The following CAMK2A variants were observed in gnomAD, a reference collection of about 807,000 sequenced individuals.
CAMK2A encodes the protein calcium/calmodulin-dependent protein kinase type II subunit alpha.
Under a neutral mutation model 79.2 loss-of-function variants are expected in CAMK2A, and 7 were observed. The ratio of observed to expected loss-of-function variants is 0.09; its 90% CI spans 0.05 to 0.17. The LOEUF (loss-of-function observed/expected upper bound fraction) is 0.17, where lower values mean the gene tolerates loss of function less well. Ranked by LOEUF, CAMK2A falls within the 10% of genes least tolerant of loss-of-function variation. The pLI is 1.00. For missense variants in CAMK2A, 214 were observed against 646.4 expected, an observed-to-expected ratio of 0.33 and a Z score of 7.25; for synonymous variants, 242 against 251.7, an observed-to-expected ratio of 0.96 and a Z score of 0.36.
intron 1 of CAMK2A, among the ~76,000 whole-genome samples, chr5:150,279,496 G>A (rs983412602): frequency 1.3e-5 from 2 of 152,204 alleles, no homozygotes; most frequent in Non-Finnish European, 2.9e-5. Context: ...AATGAGTTTG[G>A]CAGAGTCCCT....
intron 7 of CAMK2A, 137 bp downstream of exon 7, chr5:150,253,307 G>A (rs1293810321): frequency 7.3e-6 from 5 of 681,356 alleles, no homozygotes; most frequent in South Asian, 1.7e-5. Flanking sequence ...GGTGGGACAG[G>A]GCCTCTGCTC....
intron 16 of CAMK2A, among the ~76,000 whole-genome samples, chr5:150,230,851 T>G (rs1258465357): frequency 6.6e-6 from 1 of 152,224 alleles, no homozygotes; most frequent in Non-Finnish European, 1.5e-5. Context: ...GGACGTGCCC[T>G]GTGGATCCTG....
rs1580886362 is a variant in CAMK2A at position 150,219,584 on chromosome 5, G to A, written c.*3126C>T. 2 of 86,120 alleles carry A rather than the reference G, an allele frequency of 2.3e-5. No individual in the cohort carries two copies. Among genetic ancestry groups the A allele is most frequent in the South Asian group, 4.1e-4 (1 of 2,448 alleles). 5.3% of individuals were successfully genotyped at this position (86,120 alleles called of 1,614,324 possible). A position where few individuals can be genotyped will look rare whatever the true frequency, so the allele number is the denominator to read the frequency against. On this transcript the variant is annotated 3_prime_UTR_variant, in exon 19 of 19. Coordinates refer to ENST00000671881, the MANE Select transcript of CAMK2A (RefSeq NM_015981.4). ...ATCCCACCCGCCCCCCCCAATAGCA[G>A]AAAGTTTGAGCAGTGTTCATTCAAG...
At chr5:150,228,136 G>T in intron 17 of CAMK2A, 56 bp downstream of exon 17, 2 of 1,448,746 alleles carry the variant, frequency 1.4e-6, no homozygotes, top group Non-Finnish European at 1.9e-6. Flanking sequence ...GTGCCATCCA[G>T]CAGGACATGG....
chr5:150,275,727 G>A (rs925624448), intron 1 of CAMK2A, among the ~76,000 whole-genome samples: 1 of 152,222 alleles, frequency 6.6e-6, no homozygotes, highest in Non-Finnish European at 1.5e-5. Flanking sequence ...TAGATGAGGA[G>A]GGGCACAGAG....
rs753612959 is a variant in CAMK2A, at chr5:150,253,435, C to T, written c.514+9G>A. ...ACCCCCAACACTTCTGCCAGCCCAC[C>T]CCACTTACCAAACCATGCCTGCTGC... On this transcript the variant is annotated intron_variant, in intron 7 of 18. Transcript: ENST00000671881. 1.9e-6 allele frequency: 3 copies of T among 1,609,108 alleles called. No homozygotes were observed. Among genetic ancestry groups the T allele is most frequent in the South Asian group, 2.2e-5 (2 of 90,984 alleles).
At chr5:150,245,108 T>C in intron 13 of CAMK2A, 53 bp downstream of exon 13, 2 of 1,573,534 alleles carry the variant, frequency 1.3e-6, no homozygotes, top group Non-Finnish European at 8.7e-7. Flanking sequence ...CCGGTCTCTG[T>C]TGGCAGAAAC....
chr5:150,235,251 G>T (rs373355024), intron 15 of CAMK2A, among the ~76,000 whole-genome samples: 1 of 152,206 alleles, frequency 6.6e-6, no homozygotes, highest in Admixed American at 6.5e-5. Context: ...CCCTAGCTTT[G>T]TTCTGTGGGA....
At chr5:150,276,800 G>A (rs1756965706) in intron 1 of CAMK2A, among the ~76,000 whole-genome samples, 1 of 152,202 alleles carries the variant, frequency 6.6e-6, no homozygotes, top group African/African-American at 2.4e-5. Context: ...AGGGATAGAG[G>A]AAGGGATGGT....
chr5:150,273,798 T>C (rs114815275), intron 1 of CAMK2A, among the ~76,000 whole-genome samples: 430 of 152,370 alleles, frequency 2.8e-3, no homozygotes, highest in African/African-American at 1.0e-2. Context: ...TCCGATCCTT[T>C]ATTCAGCCAG....
At chr5:150,239,681 G>T (rs747480901) in intron 14 of CAMK2A, 23 bp downstream of exon 14, 3 of 1,612,318 alleles carry the variant, frequency 1.9e-6, no homozygotes, top group Admixed American at 1.7e-5. Context: ...ATTTACCGGC[G>T]TTAGGAGACG....
intron 17 of CAMK2A, among the ~76,000 whole-genome samples, chr5:150,225,702 G>A (rs529743948): frequency 1.2e-4 from 18 of 151,934 alleles, no homozygotes; most frequent in African/African-American, 4.1e-4. Flanking sequence ...GGACATATGG[G>A]GTCCAGCTAC....
intron 1 of CAMK2A, among the ~76,000 whole-genome samples, chr5:150,287,937 C>CTGTGTG (rs57886187): frequency 0.081 from 11,338 of 140,728 alleles, 562 homozygotes; most frequent in East Asian, 0.21. Context: ...AGGATAGCCT[C>CTGTGTG]TGTGTGTGTG....
chr5:150,257,712 C>G (rs1016910569), intron 3 of CAMK2A, 95 bp from the exon 4 acceptor site: 20 of 956,128 alleles, frequency 2.1e-5, no homozygotes, highest in Admixed American at 4.0e-5. Context: ...CAACACCCCC[C>G]GCTCCCAGAC....
chr5:150,232,238 A>G (rs1427534870), intron 15 of CAMK2A, among the ~76,000 whole-genome samples: 1 of 152,252 alleles, frequency 6.6e-6, no homozygotes, highest in Admixed American at 6.5e-5. Flanking sequence ...GCGGGCCACA[A>G]GGTGGTTTGA....
intron 1 of CAMK2A, among the ~76,000 whole-genome samples, chr5:150,274,982 G>A (rs1308698047): frequency 6.6e-6 from 1 of 152,264 alleles, no homozygotes; most frequent in African/African-American, 2.4e-5. Context: ...GAAGAAGCCT[G>A]CAGGCTAGCA....
In CAMK2A at chr5:150,256,017, C is replaced by T. The variant is rs1756042339; in HGVS notation, c.411+556G>A. On this transcript the variant is annotated intron_variant, in intron 6 of 18. Coordinates refer to ENST00000671881, the MANE Select transcript of CAMK2A (RefSeq NM_015981.4). This position sits in a 1 kb window ranked among gnomAD's most constrained non-coding sequence, Gnocchi z 4.6. Reference sequence around the variant, plus strand: ...TGGTGCCAGTCCTAGACTCTGCAATCTCCTTCAGGTAAAAGAAAGGAGAAC... The same window carrying T: ...TGGTGCCAGTCCTAGACTCTGCAATTTCCTTCAGGTAAAAGAAAGGAGAAC... Among the ~76,000 whole-genome samples, 1 of 152,214 alleles carries T rather than the reference C, an allele frequency of 6.6e-6. No homozygotes were observed. The highest frequency in any genetic ancestry group is 6.5e-5 in the Admixed American group (1 of 15,288).
chr5:150,222,309 C>A lies in CAMK2A; in HGVS notation c.*401G>T. ...GAAGAGGAGAGGTCTGGGAGAGGGA[C>A]GGACGGATGCTGCCTTCCTCATCAT... On this transcript the variant is annotated 3_prime_UTR_variant, in exon 19 of 19. Transcript: ENST00000671881. The A allele has an allele frequency of 1.7e-6, 1 of 601,380 alleles. No homozygotes were observed. Among genetic ancestry groups the A allele is most frequent in the Non-Finnish European group, 3.0e-6 (1 of 336,492 alleles). The allele number at this position is 601,380 out of a possible 1,614,324, so 37.3% of individuals were successfully genotyped here.
intron 16 of CAMK2A, among the ~76,000 whole-genome samples, chr5:150,230,867 T>C (rs1754807603): frequency 6.6e-6 from 1 of 152,214 alleles, no homozygotes; most frequent in South Asian, 2.1e-4. Context: ...TCCTGCTTGC[T>C]CCTGCCCATC....
Sources: gnomAD v4.1 joint callset for allele counts (sites outside exome capture counted in the v4.1 genomes callset) on GRCh38, gnomAD v4.1.1 for gene constraint, Gnocchi (gnomAD v3.1) non-coding constraint, MANE v1.5 for transcripts, NCBI Gene and HGNC (gene_info 2026-07-23, HGNC 2026-07-21) for gene names.